Variants in LRRC4C observed in about 807,000 individuals in gnomAD.
LRRC4C encodes leucine rich repeat containing 4C.
A neutral mutation model predicts 33.6 loss-of-function variants in LRRC4C; 5 were observed. The ratio of observed to expected loss-of-function variants is 0.15; its 90% CI spans 0.08 to 0.31. The LOEUF (loss-of-function observed/expected upper bound fraction) is 0.31, where lower values mean the gene tolerates loss of function less well. LRRC4C is among the 10% of genes least tolerant of loss of function. LRRC4C has a pLI of 1.00. For synonymous variants in LRRC4C, 329 were observed against 302.0 expected (o/e 1.09, Z -0.93); for missense variants, 560 against 796.7 (o/e 0.70, Z 3.58).
At chr11:40,487,228 T>C (rs1275623913) in intron 3 of LRRC4C, among the ~76,000 whole-genome samples, 2 of 152,124 alleles carry the variant, frequency 1.3e-5, no homozygotes, top group East Asian at 3.8e-4. Context: ...AAATAAAATC[T>C]GTTTAAGTCA....
intron 4 of LRRC4C, among the ~76,000 whole-genome samples, chr11:40,246,923 C>G (rs112297765): frequency 6.6e-6 from 1 of 152,124 alleles, no homozygotes; most frequent in Non-Finnish European, 1.5e-5. Flanking sequence ...AATCTAAGCA[C>G]GTTCAAACAC....
chr11:41,094,456 G>A (rs1370267642), intron 1 of LRRC4C, among the ~76,000 whole-genome samples: 4 of 151,280 alleles, frequency 2.6e-5, no homozygotes, highest in South Asian at 2.1e-4. Flanking sequence ...CCCAGGAGGC[G>A]GAGCTTACAG....
chr11:40,141,660 A>G (rs1011453936), intron 5 of LRRC4C, among the ~76,000 whole-genome samples: 2 of 152,180 alleles, frequency 1.3e-5, no homozygotes, highest in Non-Finnish European at 2.9e-5. Flanking sequence ...AAAATCACCA[A>G]GAAGCCTATC....
At chr11:40,346,163 C>T (rs758872317) in intron 3 of LRRC4C, among the ~76,000 whole-genome samples, 1 of 152,100 alleles carries the variant, frequency 6.6e-6, no homozygotes, top group Non-Finnish European at 1.5e-5. Context: ...GAGCTAAAGA[C>T]AGAAATACCA....
At chr11:40,552,463 G>C (rs997621123) in intron 3 of LRRC4C, among the ~76,000 whole-genome samples, 11 of 152,152 alleles carry the variant, frequency 7.2e-5, no homozygotes, top group African/African-American at 2.7e-4. Flanking sequence ...GGAATCCTGA[G>C]TGGTAGAAAT....
chr11:41,345,710 C>T (rs571361797), intron 1 of LRRC4C, among the ~76,000 whole-genome samples: 13 of 152,112 alleles, frequency 8.5e-5, no homozygotes, highest in Non-Finnish European at 1.8e-4. Flanking sequence ...GAGTTCCCAT[C>T]GGATCCAGCC....
chr11:41,110,564 C>T lies in LRRC4C; in HGVS notation c.-495-176841G>A, dbSNP rs367987220. Among the ~76,000 whole-genome samples the T allele has an allele frequency of 3.3e-5, 5 of 152,184 alleles. No homozygotes were observed. In the East Asian group the frequency reaches 5.8e-4, roughly 18 times the overall value. On this transcript the variant is annotated intron_variant, in intron 1 of 6. Transcript: ENST00000528697. ...TTTACCATCGCAGGCATACATGAAG[C>T]AATTAAATTATTCCACATGTGGTGG...
chr11:41,108,171 C>T (rs948394741), intron 1 of LRRC4C, among the ~76,000 whole-genome samples: 4 of 152,070 alleles, frequency 2.6e-5, no homozygotes, highest in Non-Finnish European at 5.9e-5. Context: ...ATATTATGTT[C>T]TAATTCCCCT....
intron 5 of LRRC4C, among the ~76,000 whole-genome samples, chr11:40,171,087 A>G (rs1002707945): frequency 6.6e-6 from 1 of 152,222 alleles, no homozygotes; most frequent in Non-Finnish European, 1.5e-5. Context: ...GAAACGTAAC[A>G]ATACCTTATA....
In LRRC4C at chr11:41,410,053, A is replaced by T. The variant is rs1039771349; in HGVS notation, c.-496+49378T>A. Among the ~76,000 whole-genome samples the T allele has an allele frequency of 3.9e-5, 6 of 152,180 alleles. No individual in the cohort carries two copies. In the East Asian group the frequency reaches 1.2e-3, roughly 29 times the overall value. On this transcript the variant is annotated intron_variant, in intron 1 of 6. Transcript: ENST00000528697. ...TAGTGTTTTAAAGTTTGAAAACTGA[A>T]ATCCTTTCACAAGGGGCCTATGTAG...
At chr11:41,168,542 G>GAA in intron 1 of LRRC4C, among the ~76,000 whole-genome samples, 1 of 152,072 alleles carries the variant, frequency 6.6e-6, no homozygotes, top group South Asian at 2.1e-4. Flanking sequence ...TAAAACTTGG[G>GAA]AAACCCTCAT....
At chr11:40,243,302 C>T (rs1390189103) in intron 4 of LRRC4C, among the ~76,000 whole-genome samples, 2 of 152,106 alleles carry the variant, frequency 1.3e-5, no homozygotes, top group Admixed American at 1.3e-4. Context: ...ACATCTTGGG[C>T]CCAACATAAG....
At chr11:40,158,445 A>G (rs1412269925) in intron 5 of LRRC4C, among the ~76,000 whole-genome samples, 3 of 152,124 alleles carry the variant, frequency 2.0e-5, no homozygotes, top group African/African-American at 7.2e-5. Flanking sequence ...ATCTGTGACT[A>G]TAGTTTCAGT....
intron 1 of LRRC4C, among the ~76,000 whole-genome samples, chr11:40,950,598 T>C (rs1011442063): frequency 2.0e-5 from 3 of 152,068 alleles, no homozygotes; most frequent in Non-Finnish European, 4.4e-5. Flanking sequence ...AAACTTATGA[T>C]AACAAATATG....
chr11:40,953,342 G>A (rs1165302484), intron 1 of LRRC4C, among the ~76,000 whole-genome samples: 1 of 151,748 alleles, frequency 6.6e-6, no homozygotes, highest in African/African-American at 2.4e-5. Flanking sequence ...TTAGAAGGTG[G>A]GCAGTGACAT....
intron 1 of LRRC4C, among the ~76,000 whole-genome samples, chr11:41,258,915 A>G (rs1948887821): frequency 6.6e-6 from 1 of 152,022 alleles, no homozygotes; most frequent in African/African-American, 2.4e-5. Flanking sequence ...AGTACAAATA[A>G]TCTAAAAATA....
At chr11:41,374,914 C>T (rs1346293146) in intron 1 of LRRC4C, among the ~76,000 whole-genome samples, 1 of 151,938 alleles carries the variant, frequency 6.6e-6, no homozygotes, top group East Asian at 1.9e-4. Flanking sequence ...TTGCTTGAGC[C>T]CAGGAGTTTG....
chr11:41,129,974 A>G (rs1274857624), intron 1 of LRRC4C, among the ~76,000 whole-genome samples: 1 of 151,944 alleles, frequency 6.6e-6, no homozygotes, highest in African/African-American at 2.4e-5. Context: ...GCAAATAAAT[A>G]CCAACCACCA....
At chr11:40,797,727 T>C (rs1387209700) in intron 2 of LRRC4C, among the ~76,000 whole-genome samples, 2 of 152,158 alleles carry the variant, frequency 1.3e-5, no homozygotes, top group Non-Finnish European at 2.9e-5. Flanking sequence ...CTTTAGCTAA[T>C]ATTAACCTTT....
Sources: gnomAD v4.1 joint callset for allele counts (sites outside exome capture counted in the v4.1 genomes callset) on GRCh38, gnomAD v4.1.1 for gene constraint, MANE v1.5 for transcripts, NCBI Gene and HGNC (gene_info 2026-07-23, HGNC 2026-07-21) for gene names.